The following SMTN variants were observed in gnomAD, a reference collection of about 807,000 sequenced individuals.
The protein encoded by SMTN is smoothelin.
SMTN carries 58 observed loss-of-function variants against 102.0 expected under a neutral mutation model. The ratio of observed to expected loss-of-function variants is 0.57; its 90% confidence interval spans 0.46 to 0.71. The LOEUF is 0.71. Among genes scored for constraint, SMTN ranks in the 30% least tolerant of loss-of-function variants. SMTN has a pLI of 0.00. For missense variants in SMTN, 1,185 were observed against 1,241.7 expected, an observed-to-expected ratio of 0.95 and a Z score of 0.69; for synonymous variants, 478 against 497.9, an observed-to-expected ratio of 0.96 and a Z score of 0.53.
In SMTN at chr22:31,091,397, G is replaced by A; in HGVS notation, c.1374G>A (p.Lys458=). The A allele has an allele frequency of 6.3e-7, 1 of 1,589,032 alleles. No individual in the cohort carries two copies. Among genetic ancestry groups the A allele is most frequent in the Non-Finnish European group, 8.5e-7 (1 of 1,172,318 alleles). The part of the protein sequence containing the change: ...VGTAEPGGSM[K]TTFTIEIKDG... ...CTGCCGAGCCAGGGGGCAGTATGAA[G>A]ACCACATTCACCATCGAGATCAAGG... Residue 458 remains lysine, a synonymous_variant, in exon 10 of 21, where the codon AAG becomes AAA. Transcript: ENST00000333137.
At chr22:31,096,412 C>T (rs2043580763) in intron 13 of SMTN, 2 of 269,682 alleles carry the variant, frequency 7.4e-6, no homozygotes, top group African/African-American at 2.2e-5. Flanking sequence ...GCTACCCCCT[C>T]ACTAGATCTA....
chr22:31,083,435 G>T, intron 2 of SMTN, 126 bp downstream of exon 2: 1 of 1,199,298 alleles, frequency 8.3e-7, no homozygotes. Flanking sequence ...GGGGACATGG[G>T]AACAGGGGTA....
Position 31,083,195 on chromosome 22 carries a change from G to T in SMTN, c.-64G>T. On this transcript the variant is annotated 5_prime_UTR_variant, in exon 2 of 21. Coordinates refer to ENST00000333137, the MANE Select transcript of SMTN (RefSeq NM_134269.3). The stretch of plus-strand genomic sequence containing the variant: ...CCCCTGCAGAATTCTCTGAGCTGGT[G>T]ACAGGTGCCACAGGCACTGGGGATC... 2 of 1,578,546 alleles carry T rather than the reference G, an allele frequency of 1.3e-6. No individual in the cohort carries two copies. The highest frequency in any genetic ancestry group is 1.2e-5 in the South Asian group (1 of 85,894).
chr22:31,094,514 C>T (rs924680702), intron 11 of SMTN, among the ~76,000 whole-genome samples: 1 of 152,026 alleles, frequency 6.6e-6, no homozygotes, highest in African/African-American at 2.4e-5. Flanking sequence ...CAGAGCAGAG[C>T]CTGCCTGGGA....
chr22:31,087,051 A>C (rs1347963277), intron 2 of SMTN: 1 of 152,200 alleles, frequency 6.6e-6, no homozygotes, highest in Admixed American at 6.5e-5. Context: ...TCAGACCCAC[A>C]CTGGAGGCTT....
chr22:31,097,499 T>C (rs907843929), intron 16 of SMTN, among the ~76,000 whole-genome samples, 161 bp downstream of exon 16: 5 of 150,828 alleles, frequency 3.3e-5, no homozygotes, highest in African/African-American at 1.2e-4. Flanking sequence ...AGGTCAGGAG[T>C]TCAAGACCAG....
rs370049499 is a variant in SMTN at position 31,091,775 on chromosome 22, G to T, written c.1560G>T (p.Arg520=). The change falls in exon 11 of 21, where the codon CGG becomes CGT. Residue 520 remains arginine, a synonymous_variant. Coordinates refer to ENST00000333137, the MANE Select transcript of SMTN (RefSeq NM_134269.3). ...TCAACAGCCCTGGGACCCTGGCTCG[G>T]CTGGGCAGTGTCACTCATGTCACCA... is the stretch of plus-strand genomic sequence containing the variant. ...TRVNSPGTLA[R]LGSVTHVTSF... is the part of the protein sequence containing the mutation. 3.9e-5 allele frequency: 62 copies of T among 1,610,104 alleles called. 1 individual carries two copies. In the Middle Eastern group the frequency reaches 4.9e-4, roughly 13 times the overall value.
In SMTN at chr22:31,104,379, T is replaced by A. The variant is rs780311157; in HGVS notation, c.*84T>A. On this transcript the variant is annotated 3_prime_UTR_variant, in exon 21 of 21. Coordinates refer to ENST00000333137, the MANE Select transcript of SMTN (RefSeq NM_134269.3). ...ACATGATGATCATGGGCAAGAAGCC[T>A]GACCCCAAGTGTGTCTTCACCTATG... 47 of 1,614,072 alleles carry A rather than the reference T, an allele frequency of 2.9e-5. No individual in the cohort carries two copies. The highest frequency in any genetic ancestry group is 3.8e-5 in the Non-Finnish European group (45 of 1,180,032).
At chr22:31,086,521 C>G (rs1246084346) in intron 2 of SMTN, among the ~76,000 whole-genome samples, 1 of 152,170 alleles carries the variant, frequency 6.6e-6, no homozygotes, top group South Asian at 2.1e-4. Flanking sequence ...GCCCCCTTGT[C>G]TCTCTCCCTC....
In SMTN at chr22:31,091,029, A is replaced by C. The variant is rs747115073; in HGVS notation, c.1006A>C (p.Lys336Gln). 3.1e-6 allele frequency: 5 copies of C among 1,613,918 alleles called. No homozygotes were observed. The South Asian group carries it at 3.3e-5, about 11-fold the overall frequency. Residue 336 changes from lysine (K) to glutamine (Q), a missense_variant, in exon 10 of 21, where the codon AAG becomes CAG. Around this residue, in one of 2 missense-constraint regions of SMTN, gnomAD observed 1,096 missense variants for 1,112.7 expected, o/e 0.98. Transcript: ENST00000333137. ...RAGSVRDRVH[K>Q]FTSDSPMAAR... ...TGGCTCTGTGCGGGATCGTGTCCAC[A>C]AGTTCACATCTGATTCTCCTATGGC...
chr22:31,082,994 C>T (rs1343943876), intron 1 of SMTN, 185 bp from the exon 2 acceptor site: 2 of 1,436,252 alleles, frequency 1.4e-6, no homozygotes, highest in Admixed American at 2.0e-5. Context: ...ACCCCCTACC[C>T]TGGGTTTGGT....
Position 31,088,087 on chromosome 22 carries a change from G to C in SMTN, c.174G>C (p.Arg58=). ...CATCCAAGCGTTTCCGTGCCGAGCG[G>C]CAGGACAACAAGGAGAACTGGCTGC... ...ALASKRFRAE[R]QDNKENWLHS... is the part of the protein sequence containing the mutation. Residue 58 remains arginine (R), a synonymous_variant, in exon 3 of 21, where the codon CGG becomes CGC. Transcript: ENST00000333137. The C allele has an allele frequency of 6.2e-7, 1 of 1,607,394 alleles. No individual in the cohort carries two copies. Among genetic ancestry groups the C allele is most frequent in the African/African-American group, 1.3e-5 (1 of 74,878 alleles).
rs1248332120 is a variant in SMTN at position 31,101,007 on chromosome 22, T to C, written c.2726T>C (p.Leu909Pro). 1 of 1,612,888 alleles carries C rather than the reference T, an allele frequency of 6.2e-7. No individual in the cohort carries two copies. The highest frequency in any genetic ancestry group is 8.5e-7 in the Non-Finnish European group (1 of 1,179,558). ...TACCGCTGTCTGGTCCAGAAGGGGC[T>C]GGTAAAAACCAAAAAGTCCTAACCC... ...EFYRCLVQKGLVKTKKS is the reference protein window; with the variant it reads ...EFYRCLVQKGPVKTKKS Residue 909 changes from leucine to proline, a missense_variant, in exon 20 of 21, where the codon CTG becomes CCG. By Grantham distance (98) the Leu-to-Pro change is moderately conservative (BLOSUM62 -3). Around this residue, in one of 2 missense-constraint regions of SMTN, gnomAD observed 89 missense variants for 128.9 expected, o/e 0.69. Transcript: ENST00000333137.
intron 1 of SMTN, among the ~76,000 whole-genome samples, chr22:31,075,317 G>A (rs1182150331): frequency 6.6e-6 from 1 of 152,214 alleles, no homozygotes; most frequent in Non-Finnish European, 1.5e-5. Context: ...AGGAGGGACA[G>A]TGTGCATGCT....
In SMTN at chr22:31,095,629, A is replaced by G. The variant is rs1299691373; in HGVS notation, c.1861+20A>G. 2 of 1,600,490 alleles carry G rather than the reference A, an allele frequency of 1.2e-6. No individual in the cohort carries two copies. The highest frequency in any genetic ancestry group is 2.2e-5 in the East Asian group (1 of 44,548). On this transcript the variant is annotated intron_variant, in intron 13 of 20. Transcript: ENST00000333137. This position sits in a 1 kb window ranked among gnomAD's most constrained non-coding sequence, Gnocchi z 4.1. ...AGAGAGGTAGAGAGCCAGTTGCCCTACCCTAGATCCAGCTGCCCCATTCCC... is the reference window on the plus strand; with the variant it reads ...AGAGAGGTAGAGAGCCAGTTGCCCTGCCCTAGATCCAGCTGCCCCATTCCC...
In SMTN at chr22:31,099,208, A is replaced by G. The variant is rs566950505; in HGVS notation, c.2451+29A>G. 1.2e-3 allele frequency: 1,743 copies of G among 1,461,284 alleles called. 25 individuals carry two copies. The South Asian group carries it at 0.014, about 11-fold the overall frequency. The allele number at this position is 1,461,284 out of a possible 1,614,324, so 90.5% of individuals were successfully genotyped here. The stretch of plus-strand genomic sequence containing the variant: ...AGCCCCGGGAGGCCAGGGGGCCTGG[A>G]GGCCTCCCCAGACCCCAGCTCAACA... On this transcript the variant is annotated intron_variant, in intron 18 of 20. Transcript: ENST00000333137.
chr22:31,090,839 C>T lies in SMTN; in HGVS notation c.897C>T (p.Ser299=), dbSNP rs755933171. ...CTGGACCCCGACCCTGCCAACGCTC[C>T]CTGTCGGTGCTCAGCCCCCGCCAAC... is the stretch of plus-strand genomic sequence containing the variant. The part of the protein sequence containing the change: ...DVAGPRPCQR[S]LSVLSPRQPA... The change falls in exon 9 of 21, where the codon TCC becomes TCT. Residue 299 remains serine, a synonymous_variant. Transcript: ENST00000333137. 4 of 1,613,850 alleles carry T rather than the reference C, an allele frequency of 2.5e-6. No individual in the cohort carries two copies. Among genetic ancestry groups the T allele is most frequent in the African/African-American group, 1.3e-5 (1 of 74,880 alleles).
intron 2 of SMTN, among the ~76,000 whole-genome samples, chr22:31,086,084 G>C (rs769329596): frequency 6.6e-5 from 10 of 152,236 alleles, no homozygotes; most frequent in Non-Finnish European, 1.5e-4. Context: ...TACCACAGAA[G>C]GCTCTAGGCC....
intron 11 of SMTN, chr22:31,093,984 CAG>C (rs1326228772): frequency 2.6e-5 from 20 of 773,162 alleles, no homozygotes; most frequent in South Asian, 1.8e-4. Flanking sequence ...TCTATCTTGA[CAG>C]GGGACTGGGG....
Sources: allele counts gnomAD v4.1 joint callset (sites outside exome capture counted in the v4.1 genomes callset), GRCh38; gene constraint gnomAD v4.1.1; regional missense constraint gnomAD v4.1.1; non-coding constraint Gnocchi (gnomAD v3.1); transcripts MANE v1.5; gene names NCBI Gene and HGNC (gene_info 2026-07-23, HGNC 2026-07-21).